Variants in NECTIN2 observed in about 807,000 individuals in gnomAD.
NECTIN2 encodes the protein nectin-2.
NECTIN2 carries 23 observed loss-of-function variants against 56.9 expected under a neutral mutation model. The ratio of observed to expected loss-of-function variants is 0.40; its 90% CI spans 0.29 to 0.57. The LOEUF (loss-of-function observed/expected upper bound fraction) is 0.57. Among genes scored for constraint, NECTIN2 ranks in the 20% least tolerant of loss-of-function variants. NECTIN2 has a pLI of 0.38. For missense variants in NECTIN2, 587 were observed against 718.3 expected, an observed-to-expected ratio of 0.82 and a Z score of 2.09; for synonymous variants, 302 against 313.8, an observed-to-expected ratio of 0.96 and a Z score of 0.40.
chr19:44,878,220 C>T lies in NECTIN2; in HGVS notation c.1042+3742C>T, dbSNP rs975320986. The T allele has an allele frequency of 6.0e-6, 4 of 667,346 alleles. 1 individual carries two copies. Among genetic ancestry groups the T allele is most frequent in the South Asian group, 5.6e-5 (3 of 53,758 alleles). The allele number at this position is 667,346 out of a possible 1,614,324, so 41.3% of individuals were successfully genotyped here. A position where few individuals can be genotyped will look rare whatever the true frequency, so the allele number is the denominator to read the frequency against. On this transcript the variant is annotated intron_variant, in intron 5 of 8. Coordinates refer to ENST00000252483, the MANE Select transcript of NECTIN2 (RefSeq NM_001042724.2). ...TCTCACCCCTCCTTCTCTCTCTCCT[C>T]AGAAACCCCCAGGGCCTCGCCCCGA...
intron 6 of NECTIN2, 124 bp downstream of exon 6, chr19:44,882,488 C>A (rs1969318562): frequency 1.1e-6 from 1 of 943,064 alleles, no homozygotes; most frequent in Non-Finnish European, 1.4e-6. Context: ...CCTAAAGGAA[C>A]TGGGGTCTAA....
At chr19:44,872,269 C>A in intron 3 of NECTIN2, 120 bp downstream of exon 3, 2 of 1,036,052 alleles carry the variant, frequency 1.9e-6, no homozygotes, top group Non-Finnish European at 2.8e-6. Flanking sequence ...AAATTCTGCA[C>A]TACCTTCCTG....
chr19:44,877,257 C>G (rs1190071956), intron 5 of NECTIN2, among the ~76,000 whole-genome samples: 1 of 152,086 alleles, frequency 6.6e-6, no homozygotes, highest in African/African-American at 2.4e-5. Context: ...GTGAACCCCC[C>G]ACCCCCGTCT....
In NECTIN2 at chr19:44,874,086, C is replaced by T; in HGVS notation, c.893+53C>T. 1 of 1,434,398 alleles carries T rather than the reference C, an allele frequency of 7.0e-7. No individual in the cohort carries two copies. Among genetic ancestry groups the T allele is most frequent in the Non-Finnish European group, 9.7e-7 (1 of 1,031,036 alleles). The allele number at this position is 1,434,398 out of a possible 1,614,324, so 88.9% of individuals were successfully genotyped here. ...GTCTGAGGGAGGCGGGGCTGGGGGCCTGGACTCCTGGATCTAAGGGAGGAG... is the reference window on the plus strand; with the variant it reads ...GTCTGAGGGAGGCGGGGCTGGGGGCTTGGACTCCTGGATCTAAGGGAGGAG... On this transcript the variant is annotated intron_variant, in intron 4 of 8. Transcript: ENST00000252483. The surrounding 1 kb of genome is among the most constrained non-coding windows in gnomAD (Gnocchi z 6.3).
At chr19:44,872,425 A>G (rs1168263486) in intron 3 of NECTIN2, among the ~76,000 whole-genome samples, 2 of 151,786 alleles carry the variant, frequency 1.3e-5, no homozygotes, top group Non-Finnish European at 1.5e-5. Flanking sequence ...ATTTCTTTCC[A>G]ATTCCACATC....
chr19:44,870,379 G>A (rs1173059332), intron 2 of NECTIN2, among the ~76,000 whole-genome samples: 1 of 152,144 alleles, frequency 6.6e-6, no homozygotes, highest in Non-Finnish European at 1.5e-5. Flanking sequence ...GGAAGGGAGA[G>A]CTGGGAAGAA....
chr19:44,846,644 C>A, intron 1 of NECTIN2, 31 bp downstream of exon 1: 2 of 1,518,418 alleles, frequency 1.3e-6, no homozygotes, highest in Non-Finnish European at 1.8e-6. Context: ...CCTGCCCTCG[C>A]GCGGACCCCC....
chr19:44,869,449 C>G (rs955032681), intron 2 of NECTIN2, among the ~76,000 whole-genome samples: 1 of 151,584 alleles, frequency 6.6e-6, no homozygotes, highest in Non-Finnish European at 1.5e-5. Context: ...AAAAATTAGC[C>G]GGGCGTGGTG....
chr19:44,878,347 G>A, intron 5 of NECTIN2: 1 of 1,549,634 alleles, frequency 6.5e-7, no homozygotes, highest in Non-Finnish European at 8.7e-7. Context: ...GGGTGAGGAG[G>A]AGGAGGAAGA....
At chr19:44,872,809 T>C (rs1226542788) in intron 3 of NECTIN2, among the ~76,000 whole-genome samples, 1 of 143,544 alleles carries the variant, frequency 7.0e-6, no homozygotes, top group Non-Finnish European at 1.5e-5. Flanking sequence ...TATTATTTAT[T>C]ATTATATTTT....
At position 44,888,595 on chromosome 19, in the gene NECTIN2, G is replaced by A. The variant is rs1046273177; in HGVS notation, c.*216G>A. 8.6e-6 allele frequency: 5 copies of A among 581,066 alleles called. No homozygotes were observed. Among genetic ancestry groups the A allele is most frequent in the African/African-American group, 7.4e-5 (4 of 53,716 alleles). 36.0% of individuals were successfully genotyped at this position (581,066 alleles called of 1,614,324 possible). ...GAATCCTGGCAACCTTATCTCATGA[G>A]GCAGGAGGTGGGGAAGGTGCTTCTG... On this transcript the variant is annotated 3_prime_UTR_variant, in exon 9 of 9. Coordinates refer to ENST00000252483, the MANE Select transcript of NECTIN2 (RefSeq NM_001042724.2).
chr19:44,863,018 C>G (rs426555), intron 1 of NECTIN2, among the ~76,000 whole-genome samples: 1 of 148,096 alleles, frequency 6.8e-6, no homozygotes, highest in Non-Finnish European at 1.5e-5. Flanking sequence ...AAAAATTAGC[C>G]GGGCATGGTA....
chr19:44,874,955 C>G lies in NECTIN2; in HGVS notation c.1042+477C>G, dbSNP rs1332531849. ...GATGGAAACTGGGTCAAACTCACAA[C>G]TGCAGGGCCACACACCTAGAGCGCG... On this transcript the variant is annotated intron_variant, in intron 5 of 8. Transcript: ENST00000252483. The surrounding 1 kb of genome is among the most constrained non-coding windows in gnomAD (Gnocchi z 6.3). Among the ~76,000 whole-genome samples the G allele has an allele frequency of 2.6e-5, 4 of 152,186 alleles. No homozygotes were observed. Among genetic ancestry groups the G allele is most frequent in the Non-Finnish European group, 5.9e-5 (4 of 68,038 alleles).
rs139777043 is a variant in NECTIN2 at position 44,875,214 on chromosome 19, G to A, written c.1042+736G>A. ...CAAGACACACACCCAGGAGGACAGT[G>A]GCACCAGCCAAGATAGACTGAACGA... is the stretch of plus-strand genomic sequence containing the variant. On this transcript the variant is annotated intron_variant, in intron 5 of 8. Transcript: ENST00000252483. This position sits in a 1 kb window ranked among gnomAD's most constrained non-coding sequence, Gnocchi z 4.2. 3.6e-4 allele frequency among the ~76,000 whole-genome samples: 55 copies of A among 152,056 alleles called. No homozygotes were observed. Among genetic ancestry groups the A allele is most frequent in the Non-Finnish European group, 7.2e-4 (49 of 68,008 alleles).
intron 1 of NECTIN2, among the ~76,000 whole-genome samples, chr19:44,855,383 G>A (rs1307628503): frequency 6.6e-6 from 1 of 150,794 alleles, no homozygotes; most frequent in East Asian, 2.0e-4. Flanking sequence ...CGAGATAGTG[G>A]CACTGCACTC....
chr19:44,873,551 T>C (rs1305005180), intron 3 of NECTIN2, among the ~76,000 whole-genome samples: 1 of 152,110 alleles, frequency 6.6e-6, no homozygotes, highest in Non-Finnish European at 1.5e-5. Context: ...AGGGATGGCT[T>C]GAGCCCAGGA....
chr19:44,872,497 G>A (rs1454602191), intron 3 of NECTIN2, among the ~76,000 whole-genome samples: 2 of 151,976 alleles, frequency 1.3e-5, no homozygotes, highest in Non-Finnish European at 2.9e-5. Context: ...AAGGAAATTG[G>A]CAAACCCTAG....
intron 5 of NECTIN2, chr19:44,879,030 G>T (rs1053767895): frequency 4.7e-6 from 3 of 635,848 alleles, no homozygotes; most frequent in African/African-American, 4.0e-5. Context: ...GGGCTGGGAA[G>T]AGCTGATCCA....
chr19:44,861,236 A>C (rs555653133), intron 1 of NECTIN2, among the ~76,000 whole-genome samples: 10 of 152,344 alleles, frequency 6.6e-5, no homozygotes, highest in African/African-American at 2.4e-4. Context: ...GGCAAACAGC[A>C]TGGAGATTTC....
Sources: gnomAD v4.1 joint callset for allele counts (sites outside exome capture counted in the v4.1 genomes callset) on GRCh38, gnomAD v4.1.1 for gene constraint, Gnocchi (gnomAD v3.1) non-coding constraint, MANE v1.5 for transcripts, NCBI Gene and HGNC (gene_info 2026-07-23, HGNC 2026-07-21) for gene names.